Variants in AGO1 observed in about 807,000 individuals in gnomAD.
The protein encoded by AGO1 is protein argonaute-1.
In AGO1, 11 loss-of-function variants were observed where a neutral mutation model predicts 109.2. That is an observed-to-expected ratio of 0.10 (90% CI 0.06 to 0.17). AGO1 has a LOEUF of 0.17. Ranked by LOEUF, AGO1 falls within the 10% of genes least tolerant of loss-of-function variation. The pLI, the probability that AGO1 is intolerant of heterozygous loss-of-function variation, is 1.00. For synonymous variants in AGO1, 422 were observed against 418.6 expected (o/e 1.01, Z -0.10); for missense variants, 574 against 1,140.3 (o/e 0.50, Z 7.15).
intron 1 of AGO1, among the ~76,000 whole-genome samples, chr1:35,886,446 GGAA>G (rs1016810909): frequency 3.3e-5 from 5 of 152,192 alleles, no homozygotes; most frequent in Admixed American, 2.0e-4. Context: ...TCTTTGGAGA[GGAA>G]GGTGCTCTAA....
chr1:35,883,576 T>A lies in AGO1; in HGVS notation c.25+130T>A. 7.5e-7 allele frequency: 1 copy of A among 1,337,262 alleles called. No homozygotes were observed. Among genetic ancestry groups the A allele is most frequent in the East Asian group, 3.0e-5 (1 of 33,530 alleles). The allele number at this position is 1,337,262 out of a possible 1,614,324, so 82.8% of individuals were successfully genotyped here. A position where few individuals can be genotyped will look rare whatever the true frequency, so the allele number is the denominator to read the frequency against. ...GGGCTCTCCCACGATGGGGGCCCAG[T>A]TTGAAGGAGGCTGTGTGCAGTTCCG... On this transcript the variant is annotated intron_variant, in intron 1 of 18. Coordinates refer to ENST00000373204, the MANE Select transcript of AGO1 (RefSeq NM_012199.5). This position sits in a 1 kb window ranked among gnomAD's most constrained non-coding sequence, Gnocchi z 5.4.
chr1:35,897,241 A>G (rs1047818823), intron 8 of AGO1, among the ~76,000 whole-genome samples: 11 of 152,200 alleles, frequency 7.2e-5, no homozygotes, highest in Admixed American at 7.2e-4. Context: ...GAGGGTAGAG[A>G]GCTATTTTAG....
At position 35,893,893 on chromosome 1, in the gene AGO1, C is replaced by T; in HGVS notation, c.649+83C>T. The T allele has an allele frequency of 6.4e-7, 1 of 1,553,428 alleles. No individual in the cohort carries two copies. The highest frequency in any genetic ancestry group is 8.7e-7 in the Non-Finnish European group (1 of 1,144,846). On this transcript the variant is annotated intron_variant, in intron 5 of 18. Transcript: ENST00000373204. The surrounding 1 kb of genome is among the most constrained non-coding windows in gnomAD (Gnocchi z 5.6). Reference sequence around the variant, plus strand: ...GCCTCATCCCTCCCAGCTCTGCAACCACACTCCTAGTCTAATTCCTACAGC... The same window carrying T: ...GCCTCATCCCTCCCAGCTCTGCAACTACACTCCTAGTCTAATTCCTACAGC...
Position 35,928,803 on chromosome 1 carries a change from T to C in AGO1, c.*9196T>C, listed in dbSNP as rs1027592148. The C allele has an allele frequency of 6.6e-6, 1 of 152,254 alleles. No homozygotes were observed. The allele number at this position is 152,254 out of a possible 1,614,324, so 9.4% of individuals were successfully genotyped here. ...TGTTCTAGTTTATACTTTTGTATCATATTTTAGGAAATTTTGCACTGGGTA... is the reference window on the plus strand; with the variant it reads ...TGTTCTAGTTTATACTTTTGTATCACATTTTAGGAAATTTTGCACTGGGTA... On this transcript the variant is annotated 3_prime_UTR_variant, in exon 19 of 19. Coordinates refer to ENST00000373204, the MANE Select transcript of AGO1 (RefSeq NM_012199.5).
chr1:35,897,382 G>C lies in AGO1; in HGVS notation c.1020+2113G>C, dbSNP rs1049960552. 2.6e-5 allele frequency among the ~76,000 whole-genome samples: 4 copies of C among 152,336 alleles called. No individual in the cohort carries two copies. In the South Asian group the frequency reaches 6.2e-4, roughly 24 times the overall value. On this transcript the variant is annotated intron_variant, in intron 8 of 18. Coordinates refer to ENST00000373204, the MANE Select transcript of AGO1 (RefSeq NM_012199.5). ...AGTACAAAGGTTCTAAAGCAGAAGA[G>C]AATTTGGATCTTTTTGAGGGATAGA...
Position 35,918,701 on chromosome 1 carries a change from A to G in AGO1, c.2265+278A>G, listed in dbSNP as rs577028904. The stretch of plus-strand genomic sequence containing the variant: ...CTCCCAAGTAGCTGGGATTACAAGC[A>G]TGCGCCACCATGCCCAGCTAATTTT... On this transcript the variant is annotated intron_variant, in intron 17 of 18. Transcript: ENST00000373204. Among the ~76,000 whole-genome samples, 5 of 152,238 alleles carry G rather than the reference A, an allele frequency of 3.3e-5. No homozygotes were observed. The South Asian group carries it at 8.3e-4, about 25-fold the overall frequency.
chr1:35,904,764 A>G (rs1645488963), intron 11 of AGO1, among the ~76,000 whole-genome samples: 1 of 152,190 alleles, frequency 6.6e-6, no homozygotes, highest in African/African-American at 2.4e-5. Flanking sequence ...AGTGGCTGAG[A>G]TTGTCCAGGG....
chr1:35,888,302 G>A lies in AGO1; in HGVS notation c.26-125G>A. On this transcript the variant is annotated intron_variant, in intron 1 of 18. Transcript: ENST00000373204. This position sits in a 1 kb window ranked among gnomAD's most constrained non-coding sequence, Gnocchi z 4.1. ...TCCCCTGGAAGCCCTTGGCTGGGTT[G>A]GGTAGCAGGAAAGAGGCATTCTCTA... The A allele has an allele frequency of 1.1e-6, 1 of 931,024 alleles. No individual in the cohort carries two copies. The highest frequency in any genetic ancestry group is 1.6e-6 in the Non-Finnish European group (1 of 622,144). 57.7% of individuals were successfully genotyped at this position (931,024 alleles called of 1,614,324 possible).
At chr1:35,909,987 C>T (rs1645604320) in intron 12 of AGO1, among the ~76,000 whole-genome samples, 1 of 151,884 alleles carries the variant, frequency 6.6e-6, no homozygotes, top group African/African-American at 2.4e-5. Flanking sequence ...AGAATTTTCC[C>T]TTTCCTGGGC....
intron 11 of AGO1, among the ~76,000 whole-genome samples, chr1:35,906,043 TAA>T (rs534168786): frequency 6.6e-5 from 10 of 152,260 alleles, no homozygotes; most frequent in Non-Finnish European, 1.5e-4. Flanking sequence ...TATCACAAAT[TAA>T]ATTTCCTGCT....
chr1:35,893,817 G>T lies in AGO1; in HGVS notation c.649+7G>T, dbSNP rs748004852. The T allele has an allele frequency of 1.2e-6, 2 of 1,610,704 alleles. No individual in the cohort carries two copies. Among genetic ancestry groups the T allele is most frequent in the Non-Finnish European group, 1.7e-6 (2 of 1,177,844 alleles). On this transcript the variant is annotated splice_region_variant and intron_variant, in intron 5 of 18. Transcript: ENST00000373204. This position sits in a 1 kb window ranked among gnomAD's most constrained non-coding sequence, Gnocchi z 5.6. ...ATGATGCTCAACATTGATGGTGAGT[G>T]GGGAGAGCTATGGAGCCAGGGGCAC...
Position 35,893,359 on chromosome 1 carries a change from C to A in AGO1, c.512+81C>A. On this transcript the variant is annotated intron_variant, in intron 4 of 18. Transcript: ENST00000373204. This position sits in a 1 kb window ranked among gnomAD's most constrained non-coding sequence, Gnocchi z 5.6. The stretch of plus-strand genomic sequence containing the variant: ...GAGGAGGGGGAGCACATATTAAGGT[C>A]CCACAGAGTGCCATTAAAAAAAAAA... 1 of 1,459,000 alleles carries A rather than the reference C, an allele frequency of 6.9e-7. No individual in the cohort carries two copies. The highest frequency in any genetic ancestry group is 9.3e-7 in the Non-Finnish European group (1 of 1,081,072). The allele number at this position is 1,459,000 out of a possible 1,614,324, so 90.4% of individuals were successfully genotyped here.
chr1:35,893,900 C>G lies in AGO1; in HGVS notation c.649+90C>G. 1 of 1,546,956 alleles carries G rather than the reference C, an allele frequency of 6.5e-7. No individual in the cohort carries two copies. Among genetic ancestry groups the G allele is most frequent in the Non-Finnish European group, 8.8e-7 (1 of 1,141,972 alleles). On this transcript the variant is annotated intron_variant, in intron 5 of 18. Coordinates refer to ENST00000373204, the MANE Select transcript of AGO1 (RefSeq NM_012199.5). This position sits in a 1 kb window ranked among gnomAD's most constrained non-coding sequence, Gnocchi z 5.6. Reference sequence around the variant, plus strand: ...CCCTCCCAGCTCTGCAACCACACTCCTAGTCTAATTCCTACAGCCCTGGCA... The same window carrying G: ...CCCTCCCAGCTCTGCAACCACACTCGTAGTCTAATTCCTACAGCCCTGGCA...
rs557764125 is a variant in AGO1, at chr1:35,908,386, C to T, written c.1582+1267C>T. ...TCTGCCTTTACATTTTATTAAAATT[C>T]CCATTCATTTCAGTTGCTTCAATCA... On this transcript the variant is annotated intron_variant, in intron 12 of 18. Coordinates refer to ENST00000373204, the MANE Select transcript of AGO1 (RefSeq NM_012199.5). Among the ~76,000 whole-genome samples the T allele has an allele frequency of 3.9e-5, 6 of 152,308 alleles. No individual in the cohort carries two copies. In the East Asian group the frequency reaches 1.2e-3, roughly 29 times the overall value.
Position 35,902,067 on chromosome 1 carries a change from C to A in AGO1, c.1260C>A (p.Gly420=), listed in dbSNP as rs1645426498. 6.2e-7 allele frequency: 1 copy of A among 1,600,844 alleles called. No homozygotes were observed. Among genetic ancestry groups the A allele is most frequent in the Admixed American group, 1.7e-5 (1 of 58,184 alleles). The change falls in exon 10 of 19, where the codon GGC becomes GGA. Residue 420 remains glycine (G), a synonymous_variant. Coordinates refer to ENST00000373204, the MANE Select transcript of AGO1 (RefSeq NM_012199.5). The part of the protein sequence containing the change: ...VLPAPILQYG[G]RNRAIATPNQ... ...CGGCGCCCATCTTGCAGTACGGCGG[C>A]CGGGTGAGCAGGGTCAGGGCCAGAC...
intron 1 of AGO1, among the ~76,000 whole-genome samples, chr1:35,887,559 A>G (rs973817378): frequency 2.6e-5 from 4 of 152,118 alleles, no homozygotes; most frequent in Non-Finnish European, 5.9e-5. Context: ...TCTGTGGGGC[A>G]TGGAGAGAAT....
At chr1:35,904,338 C>T (rs531910498) in intron 11 of AGO1, among the ~76,000 whole-genome samples, 3 of 152,176 alleles carry the variant, frequency 2.0e-5, no homozygotes, top group South Asian at 2.1e-4. Context: ...ATCTCCTGAC[C>T]TCATGATCCA....
At chr1:35,915,673 G>C (rs898917047) in intron 15 of AGO1, 131 bp downstream of exon 15, 1 of 857,556 alleles carries the variant, frequency 1.2e-6, no homozygotes, top group Non-Finnish European at 1.8e-6. Context: ...GAGTAGACTT[G>C]GGGGCAAGGA....
intron 8 of AGO1, among the ~76,000 whole-genome samples, chr1:35,895,990 G>A (rs1431971307): frequency 6.6e-6 from 1 of 151,974 alleles, no homozygotes; most frequent in Non-Finnish European, 1.5e-5. Flanking sequence ...CACCCATACC[G>A]ACTGAATCAG....
Sources: allele counts gnomAD v4.1 joint callset (sites outside exome capture counted in the v4.1 genomes callset), GRCh38; gene constraint gnomAD v4.1.1; non-coding constraint Gnocchi (gnomAD v3.1); transcripts MANE v1.5; gene names NCBI Gene and HGNC (gene_info 2026-07-23, HGNC 2026-07-21).